AGBL4: variants seen among roughly 807,000 people sequenced by gnomAD.
AGBL4 encodes cytosolic carboxypeptidase 6.
AGBL4 carries 58 observed loss-of-function variants against 66.4 expected under a neutral mutation model. The observed-to-expected ratio is 0.87, with a 90% CI of 0.71 to 1.09. The LOEUF is 1.09. AGBL4 is among the 50% of genes least tolerant of loss of function. The pLI, the probability that AGBL4 is intolerant of heterozygous loss-of-function variation, is 0.00. For missense variants in AGBL4, 579 were observed against 631.0 expected, an observed-to-expected ratio of 0.92 and a Z score of 0.88; for synonymous variants, 234 against 222.9, an observed-to-expected ratio of 1.05 and a Z score of -0.44.
At chr1:48,923,937 G>C (rs1451929337) in intron 5 of AGBL4, among the ~76,000 whole-genome samples, 1 of 152,112 alleles carries the variant, frequency 6.6e-6, no homozygotes. Context: ...GATGAATGCA[G>C]CCAACCTTCC....
At chr1:48,933,293 A>T (rs151058429) in intron 5 of AGBL4, among the ~76,000 whole-genome samples, 352 of 152,322 alleles carry the variant, frequency 2.3e-3, no homozygotes, top group African/African-American at 8.3e-3. Flanking sequence ...CTTAGAGATC[A>T]TTTAGTTTAG....
intron 5 of AGBL4, among the ~76,000 whole-genome samples, chr1:48,951,904 T>G (rs997692443): frequency 1.3e-5 from 2 of 152,206 alleles, no homozygotes; most frequent in African/African-American, 4.8e-5. Flanking sequence ...AATGGCCTTA[T>G]GAGGGAAGCA....
At chr1:48,968,725 T>A (rs1203788521) in intron 5 of AGBL4, among the ~76,000 whole-genome samples, 2 of 152,122 alleles carry the variant, frequency 1.3e-5, no homozygotes, top group Non-Finnish European at 2.9e-5. Context: ...TGCCTCTTTT[T>A]TAGCCTCCCA....
intron 3 of AGBL4, among the ~76,000 whole-genome samples, chr1:49,477,874 T>C (rs1158323676): frequency 3.3e-5 from 5 of 151,374 alleles, no homozygotes. Context: ...TTTGAAAAAT[T>C]AAAAAAGAAC....
intron 1 of AGBL4, among the ~76,000 whole-genome samples, chr1:49,978,530 T>G (rs1281325279): frequency 1.3e-5 from 2 of 152,178 alleles, no homozygotes; most frequent in Non-Finnish European, 2.9e-5. Context: ...TAGGGACAAT[T>G]TAAAATAGTA....
chr1:49,147,375 T>C (rs1646238365), intron 4 of AGBL4, among the ~76,000 whole-genome samples: 1 of 152,150 alleles, frequency 6.6e-6, no homozygotes, highest in Non-Finnish European at 1.5e-5. Flanking sequence ...TTCTAAGATG[T>C]GTGTGCCCAA....
At chr1:49,913,430 C>A (rs1457696052) in intron 1 of AGBL4, among the ~76,000 whole-genome samples, 1 of 152,264 alleles carries the variant, frequency 6.6e-6, no homozygotes, top group South Asian at 2.1e-4. Flanking sequence ...TGCCCCACAT[C>A]CAGGGCACAC....
At chr1:48,726,091 G>A (rs938755945) in intron 6 of AGBL4, among the ~76,000 whole-genome samples, 6 of 152,178 alleles carry the variant, frequency 3.9e-5, no homozygotes, top group Non-Finnish European at 8.8e-5. Context: ...GCGAATCCAG[G>A]ATTTAAACCC....
chr1:49,999,664 G>C lies in AGBL4; in HGVS notation c.34+24099C>G, dbSNP rs527879130. Among the ~76,000 whole-genome samples the C allele has an allele frequency of 2.6e-5, 4 of 152,108 alleles. No individual in the cohort carries two copies. The East Asian group carries it at 7.7e-4, about 29-fold the overall frequency. On this transcript the variant is annotated intron_variant, in intron 1 of 13. Transcript: ENST00000371839. Reference sequence around the variant, plus strand: ...ACAACAAAAATCTGGAGGTATCTTAGTACCCAACCTCAAACTATATCATAA... The same window carrying C: ...ACAACAAAAATCTGGAGGTATCTTACTACCCAACCTCAAACTATATCATAA...
intron 2 of AGBL4, among the ~76,000 whole-genome samples, chr1:49,734,180 GA>G (rs958922580): frequency 7.2e-5 from 11 of 151,956 alleles, no homozygotes; most frequent in East Asian, 3.9e-4. Flanking sequence ...ACATTAAGGG[GA>G]AAAAAATAAT....
intron 6 of AGBL4, chr1:48,742,872 T>C: frequency 1.6e-6 from 2 of 1,256,048 alleles, no homozygotes; most frequent in Non-Finnish European, 2.1e-6. Context: ...ACAAAAAATT[T>C]GCTAGCTTAT....
At chr1:49,154,895 T>C (rs1646402385) in intron 4 of AGBL4, among the ~76,000 whole-genome samples, 1 of 152,202 alleles carries the variant, frequency 6.6e-6, no homozygotes, top group Non-Finnish European at 1.5e-5. Flanking sequence ...GAGTGCCTAC[T>C]CTCATTCTAA....
chr1:48,758,541 T>C (rs1389037536), intron 6 of AGBL4, among the ~76,000 whole-genome samples: 1 of 152,250 alleles, frequency 6.6e-6, no homozygotes, highest in Non-Finnish European at 1.5e-5. Flanking sequence ...GTTAGGATCA[T>C]GTCTACTTCT....
chr1:49,776,818 C>T (rs1644209809), intron 2 of AGBL4, among the ~76,000 whole-genome samples: 1 of 152,040 alleles, frequency 6.6e-6, no homozygotes, highest in South Asian at 2.1e-4. Flanking sequence ...TTAATGTCTG[C>T]CTCCCAAACA....
At chr1:49,671,044 A>C (rs570615166) in intron 3 of AGBL4, among the ~76,000 whole-genome samples, 5 of 152,198 alleles carry the variant, frequency 3.3e-5, no homozygotes, top group Admixed American at 6.6e-5. Flanking sequence ...TTATAAGCAA[A>C]AGAACAAAGC....
chr1:49,116,312 T>G (rs1419067237), intron 4 of AGBL4, among the ~76,000 whole-genome samples: 1 of 152,214 alleles, frequency 6.6e-6, no homozygotes, highest in Admixed American at 6.5e-5. Flanking sequence ...GTTGGTTTGC[T>G]GCACCCATCA....
At chr1:49,804,286 C>CT (rs938661570) in intron 2 of AGBL4, among the ~76,000 whole-genome samples, 4 of 152,060 alleles carry the variant, frequency 2.6e-5, no homozygotes, top group Admixed American at 6.6e-5. Flanking sequence ...ATGCACGGAC[C>CT]TTTTTTTAGC....
chr1:49,688,972 T>A (rs972170256), intron 3 of AGBL4, among the ~76,000 whole-genome samples: 5 of 152,182 alleles, frequency 3.3e-5, no homozygotes, highest in African/African-American at 1.2e-4. Flanking sequence ...TGATTATTAA[T>A]CCCTTGTCAG....
intron 3 of AGBL4, among the ~76,000 whole-genome samples, chr1:49,379,867 T>A (rs1644557911): frequency 6.6e-6 from 1 of 152,066 alleles, no homozygotes; most frequent in Non-Finnish European, 1.5e-5. Context: ...CTGCCCGGCT[T>A]TGGTATCAGG....
Sources: allele counts gnomAD v4.1 joint callset (sites outside exome capture counted in the v4.1 genomes callset), GRCh38; gene constraint gnomAD v4.1.1; transcripts MANE v1.5; gene names NCBI Gene and HGNC (gene_info 2026-07-23, HGNC 2026-07-21).